Variants in FARS2 observed in about 807,000 individuals in gnomAD.
FARS2 encodes phenylalanine--tRNA ligase, mitochondrial.
Under a neutral mutation model 46.4 loss-of-function variants are expected in FARS2, and 40 were observed. The ratio of observed to expected loss-of-function variants is 0.86; its 90% confidence interval spans 0.67 to 1.12. The LOEUF (loss-of-function observed/expected upper bound fraction) is 1.12. Ranked by LOEUF, FARS2 falls within the 50% of genes most tolerant of loss-of-function variation. The probability of loss-of-function intolerance (pLI) is 0.00; values close to 1 mark genes in which losing one functional copy is unlikely to be tolerated. For missense variants in FARS2, 513 were observed against 567.9 expected (o/e 0.90, Z 0.98); for synonymous variants, 234 against 214.9 (o/e 1.09, Z -0.78).
intron 1 of FARS2, among the ~76,000 whole-genome samples, chr6:5,345,545 A>G (rs1391312263): frequency 6.6e-6 from 1 of 152,226 alleles, no homozygotes; most frequent in Non-Finnish European, 1.5e-5. Context: ...TCTCAGGCGC[A>G]TGTGTAAAAC....
chr6:5,394,266 A>G (rs12215696), intron 2 of FARS2, among the ~76,000 whole-genome samples: 1 of 152,252 alleles, frequency 6.6e-6, no homozygotes. Context: ...GGCAGACCTC[A>G]TATATGACAA....
At chr6:5,531,610 A>T (rs1225542377) in intron 4 of FARS2, among the ~76,000 whole-genome samples, 7 of 152,218 alleles carry the variant, frequency 4.6e-5, no homozygotes. Context: ...CTTTCTTTTA[A>T]AAGAGAGGTC....
chr6:5,266,871 G>A (rs1375557685), intron 1 of FARS2, among the ~76,000 whole-genome samples: 1 of 151,956 alleles, frequency 6.6e-6, no homozygotes, highest in Non-Finnish European at 1.5e-5. Flanking sequence ...TCTTTGAAAA[G>A]ACGTAGTGCT....
intron 4 of FARS2, among the ~76,000 whole-genome samples, chr6:5,477,451 T>C (rs1766189651): frequency 6.6e-6 from 1 of 152,224 alleles, no homozygotes; most frequent in Admixed American, 6.5e-5. Flanking sequence ...TTGTGACTAT[T>C]ATAAGGCCTA....
intron 6 of FARS2, among the ~76,000 whole-genome samples, chr6:5,704,172 G>T (rs1258781048): frequency 6.6e-6 from 1 of 152,210 alleles, no homozygotes; most frequent in Non-Finnish European, 1.5e-5. Flanking sequence ...CACAGTTCTG[G>T]AAGCTGGGAA....
At chr6:5,671,234 T>C (rs1778439255) in intron 6 of FARS2, among the ~76,000 whole-genome samples, 1 of 152,218 alleles carries the variant, frequency 6.6e-6, no homozygotes, top group South Asian at 2.1e-4. Context: ...GAAGTTGCAG[T>C]GTCCATGAGT....
At chr6:5,491,926 G>A (rs1397415876) in intron 4 of FARS2, among the ~76,000 whole-genome samples, 1 of 150,740 alleles carries the variant, frequency 6.6e-6, no homozygotes, top group Admixed American at 6.6e-5. Flanking sequence ...TTTTTTTCCT[G>A]GTATGTACAT....
chr6:5,388,104 C>G (rs549436193), intron 2 of FARS2, among the ~76,000 whole-genome samples: 64 of 152,052 alleles, frequency 4.2e-4, no homozygotes, highest in Admixed American at 1.2e-3. Context: ...TTGCTATGAC[C>G]TTTTCAGTTA....
intron 2 of FARS2, among the ~76,000 whole-genome samples, chr6:5,373,399 A>G (rs539801924): frequency 2.0e-5 from 3 of 152,230 alleles, no homozygotes; most frequent in Non-Finnish European, 2.9e-5. Context: ...AATACCAACT[A>G]TAGAGTCTCC....
intron 6 of FARS2, among the ~76,000 whole-genome samples, chr6:5,692,284 C>T (rs1757792169): frequency 6.6e-6 from 1 of 152,242 alleles, no homozygotes. Context: ...ATCACTCATG[C>T]TGGGAGCTGC....
chr6:5,345,894 C>T (rs1757200420), intron 1 of FARS2, among the ~76,000 whole-genome samples: 1 of 152,186 alleles, frequency 6.6e-6, no homozygotes, highest in Admixed American at 6.5e-5. Flanking sequence ...GTTTCTGAAG[C>T]ATTTTGTCCT....
chr6:5,598,814 G>A (rs527275086), intron 5 of FARS2, among the ~76,000 whole-genome samples: 1 of 152,254 alleles, frequency 6.6e-6, no homozygotes, highest in African/African-American at 2.4e-5. Context: ...AGATTCAAGG[G>A]GGTCCAGTCT....
chr6:5,566,798 T>C (rs1363520168), intron 5 of FARS2, among the ~76,000 whole-genome samples: 1 of 152,368 alleles, frequency 6.6e-6, no homozygotes, highest in South Asian at 2.1e-4. Flanking sequence ...GCATTTAAGA[T>C]GTTCCGCTTT....
At chr6:5,369,257 G>T (rs887507989) in intron 2 of FARS2, 75 bp downstream of exon 2, 2 of 1,426,068 alleles carry the variant, frequency 1.4e-6, no homozygotes, top group Non-Finnish European at 1.9e-6. Context: ...CATTTAGCTC[G>T]ATGAGACCAG....
intron 5 of FARS2, among the ~76,000 whole-genome samples, chr6:5,574,286 A>C (rs1772830674): frequency 6.6e-6 from 1 of 152,022 alleles, no homozygotes; most frequent in Non-Finnish European, 1.5e-5. Context: ...CACCACACCC[A>C]GCTAATTTTT....
chr6:5,577,157 C>G (rs1773035546), intron 5 of FARS2, among the ~76,000 whole-genome samples: 1 of 152,090 alleles, frequency 6.6e-6, no homozygotes, highest in Non-Finnish European at 1.5e-5. Flanking sequence ...AAGTTACCTT[C>G]TATTAATTCT....
At chr6:5,283,342 C>T (rs1200232096) in intron 1 of FARS2, among the ~76,000 whole-genome samples, 1 of 144,408 alleles carries the variant, frequency 6.9e-6, no homozygotes, top group African/African-American at 2.6e-5. Flanking sequence ...CATTTCACTC[C>T]AGCCTGTGCA....
At chr6:5,407,633 C>T (rs551280593) in intron 3 of FARS2, among the ~76,000 whole-genome samples, 2 of 151,372 alleles carry the variant, frequency 1.3e-5, no homozygotes, top group South Asian at 2.1e-4. Context: ...TTAAATATGA[C>T]AAAATGTTAT....
intron 1 of FARS2, among the ~76,000 whole-genome samples, chr6:5,351,847 A>C (rs1166870742): frequency 6.6e-6 from 1 of 152,212 alleles, no homozygotes; most frequent in Non-Finnish European, 1.5e-5. Context: ...GAAGCCCCTT[A>C]GTGTTGGACA....
Sources: gnomAD v4.1 joint callset for allele counts (sites outside exome capture counted in the v4.1 genomes callset) on GRCh38, gnomAD v4.1.1 for gene constraint, MANE v1.5 for transcripts, NCBI Gene and HGNC (gene_info 2026-07-23, HGNC 2026-07-21) for gene names.